NLRC4: variants seen among roughly 807,000 people sequenced by gnomAD.
The protein encoded by NLRC4 is NLR family CARD domain containing 4.
A neutral mutation model predicts 79.9 loss-of-function variants in NLRC4; 63 were observed. The ratio of observed to expected loss-of-function variants is 0.79; its 90% confidence interval spans 0.64 to 0.97. The LOEUF is 0.97. Ranked by LOEUF, NLRC4 falls within the 50% of genes least tolerant of loss-of-function variation. NLRC4 has a pLI of 0.00. For missense variants in NLRC4, 1,074 were observed against 1,215.2 expected (o/e 0.88, Z 1.73); for synonymous variants, 461 against 456.5 (o/e 1.01, Z -0.12).
In NLRC4 at chr2:32,249,971, T is replaced by G; in HGVS notation, c.1893A>C (p.Thr631=). The G allele has an allele frequency of 1.2e-6, 2 of 1,614,222 alleles. No homozygotes were observed. Among genetic ancestry groups the G allele is most frequent in the African/African-American group, 1.3e-5 (1 of 75,046 alleles). The part of the protein sequence containing the change: ...MASWEKAAED[T]GGIHMEEAPE... ...GGGCCTCTTCCATGTGGATTCCACCTGTGTCTTCTGCAGCCTTTTCCCATG... is the reference window on the plus strand; with the variant it reads ...GGGCCTCTTCCATGTGGATTCCACCGGTGTCTTCTGCAGCCTTTTCCCATG... The change falls in exon 4 of 9, where the codon ACA becomes ACC. Residue 631 remains threonine, a synonymous_variant. Coordinates refer to ENST00000402280, the MANE Select transcript of NLRC4 (RefSeq NM_001199138.2).
At chr2:32,238,590 C>T (rs1686724193) in intron 5 of NLRC4, among the ~76,000 whole-genome samples, 1 of 152,126 alleles carries the variant, frequency 6.6e-6, no homozygotes, top group South Asian at 2.1e-4. Flanking sequence ...AATGTATACT[C>T]TTACCGTAAT....
intron 4 of NLRC4, among the ~76,000 whole-genome samples, chr2:32,246,542 A>C (rs1473486380): frequency 6.6e-6 from 1 of 152,248 alleles, no homozygotes; most frequent in African/African-American, 2.4e-5. Context: ...CCAGACTGCT[A>C]CAGTTAAGTA....
intron 3 of NLRC4, among the ~76,000 whole-genome samples, chr2:32,251,846 G>A (rs547303005): frequency 6.6e-6 from 1 of 152,238 alleles, no homozygotes; most frequent in South Asian, 2.1e-4. Flanking sequence ...GCAGCTGGTT[G>A]GAAAAGGGAG....
rs1158393269 is a variant in NLRC4, at chr2:32,251,020, CAG to C, written c.842_843del (p.Thr281ArgfsTer15). The stretch of plus-strand genomic sequence containing the variant: ...AACTGCCGTATGTGCCTCAGGCACT[CAG>C]TGGTAGTGGTGACGATGACCATGTT... Reference protein sequence around the residue: ...FKNMVIVTTTTECLRHIRQFG... With the variant: ...FKNMVIVTTTXECLRHIRQFG... On this transcript the variant is annotated frameshift_variant, in exon 4 of 9. Coordinates refer to ENST00000402280, the MANE Select transcript of NLRC4 (RefSeq NM_001199138.2). LOFTEE classifies it high-confidence loss of function. The C allele has an allele frequency of 1.2e-6, 2 of 1,614,174 alleles. No homozygotes were observed. Among genetic ancestry groups the C allele is most frequent in the Non-Finnish European group, 1.7e-6 (2 of 1,180,038 alleles).
intron 2 of NLRC4, 72 bp from the exon 3 acceptor site, chr2:32,252,751 G>C (rs1687110227): frequency 7.4e-7 from 1 of 1,347,036 alleles, no homozygotes; most frequent in African/African-American, 1.4e-5. Context: ...GGGCACGGTG[G>C]CTCACGCCTG....
intron 8 of NLRC4, among the ~76,000 whole-genome samples, chr2:32,227,187 G>A (rs1686424246): frequency 6.6e-6 from 1 of 151,992 alleles, no homozygotes; most frequent in Non-Finnish European, 1.5e-5. Context: ...AAAAAAGTAG[G>A]GGTCTGGGCC....
intron 8 of NLRC4, among the ~76,000 whole-genome samples, chr2:32,230,258 A>G (rs1395639466): frequency 6.6e-6 from 1 of 152,184 alleles, no homozygotes; most frequent in Non-Finnish European, 1.5e-5. Flanking sequence ...AAAGTGTGAA[A>G]TAGTTTACAT....
chr2:32,244,093 T>A (rs536855911), intron 4 of NLRC4, among the ~76,000 whole-genome samples: 6 of 151,976 alleles, frequency 3.9e-5, no homozygotes, highest in African/African-American at 1.4e-4. Context: ...CTACAAAAAA[T>A]TTAAAAATTA....
intron 8 of NLRC4, among the ~76,000 whole-genome samples, chr2:32,227,668 G>T (rs1282047641): frequency 2.6e-5 from 4 of 152,178 alleles, no homozygotes; most frequent in African/African-American, 9.7e-5. Flanking sequence ...ATCTACTAAG[G>T]TATAAGGATC....
intron 8 of NLRC4, among the ~76,000 whole-genome samples, chr2:32,230,679 T>G (rs1686512125): frequency 6.6e-6 from 1 of 152,150 alleles, no homozygotes; most frequent in Non-Finnish European, 1.5e-5. Flanking sequence ...CATTATTTGA[T>G]GGACATTTGA....
At chr2:32,245,104 G>A (rs923426990) in intron 4 of NLRC4, among the ~76,000 whole-genome samples, 24 of 151,918 alleles carry the variant, frequency 1.6e-4, no homozygotes, top group African/African-American at 5.8e-4. Flanking sequence ...GAGGTCTGGA[G>A]TTCAAGGCCA....
chr2:32,241,250 C>T, intron 4 of NLRC4, 125 bp from the exon 5 acceptor site: 1 of 629,864 alleles, frequency 1.6e-6, no homozygotes, highest in Non-Finnish European at 2.8e-6. Flanking sequence ...CAAAAATGCT[C>T]ATGAAATAGA....
intron 4 of NLRC4, among the ~76,000 whole-genome samples, chr2:32,242,371 T>A (rs1271639568): frequency 6.6e-6 from 1 of 152,114 alleles, no homozygotes; most frequent in Non-Finnish European, 1.5e-5. Flanking sequence ...AATTAGAGAA[T>A]AATATAAACA....
At chr2:32,241,182 A>G in intron 4 of NLRC4, 57 bp from the exon 5 acceptor site, 5 of 1,014,286 alleles carry the variant, frequency 4.9e-6, no homozygotes, top group Non-Finnish European at 7.7e-6. Context: ...TTACTATGTC[A>G]TTTACTATTA....
In NLRC4 at chr2:32,250,647, A is replaced by G; in HGVS notation, c.1217T>C (p.Phe406Ser). The G allele has an allele frequency of 6.2e-7, 1 of 1,614,138 alleles. No individual in the cohort carries two copies. Among genetic ancestry groups the G allele is most frequent in the Non-Finnish European group, 8.5e-7 (1 of 1,180,024 alleles). Residue 406 changes from phenylalanine (F) to serine (S), a missense_variant, in exon 4 of 9, where the codon TTT (phenylalanine) becomes TCT (serine). Physicochemically the swap from Phe to Ser is radical, Grantham distance 155 (BLOSUM62 -2). Transcript: ENST00000402280. This position sits in a 1 kb window ranked among gnomAD's most constrained non-coding sequence, Gnocchi z 4.9. Reference protein sequence around the residue: ...LALEGVFSHKFDFELQDVSSV... With the variant: ...LALEGVFSHKSDFELQDVSSV... ...GGACACATCCTGCAGTTCGAAATCAAACTTGTGGGAGAACACACCCTCCAG... is the reference window on the plus strand; with the variant it reads ...GGACACATCCTGCAGTTCGAAATCAGACTTGTGGGAGAACACACCCTCCAG...
At position 32,224,524 on chromosome 2, in the gene NLRC4, A is replaced by G; in HGVS notation, c.3024T>C (p.Asp1008=). ...QEARLVGWQF[D]DDDLSVITGA... ...CTGTAATAACACTGAGATCATCATCATCAAATTGCCACCCAACAAGCCTAG... is the reference window on the plus strand; with the variant it reads ...CTGTAATAACACTGAGATCATCATCGTCAAATTGCCACCCAACAAGCCTAG... The change falls in exon 9 of 9, where the codon GAT becomes GAC. Residue 1008 remains aspartate, a synonymous_variant. Transcript: ENST00000402280. 2.5e-6 allele frequency: 4 copies of G among 1,613,608 alleles called. No individual in the cohort carries two copies. The highest frequency in any genetic ancestry group is 1.7e-5 in the Admixed American group (1 of 59,852).
At chr2:32,238,401 G>T in intron 5 of NLRC4, 99 bp from the exon 6 acceptor site, 1 of 1,020,704 alleles carries the variant, frequency 9.8e-7, no homozygotes. Context: ...ATTGTGCAGA[G>T]ACCTTGCCAT....
At chr2:32,259,262 A>ATCTTTT (rs1687280788) in intron 1 of NLRC4, among the ~76,000 whole-genome samples, 1 of 52,878 alleles carries the variant, frequency 1.9e-5, no homozygotes, top group African/African-American at 9.4e-5. Context: ...TGCCTGGCTA[A>ATCTTTT]TTTTTTTTTT....
At position 32,225,432 on chromosome 2, in the gene NLRC4, T is replaced by G. The variant is rs1032808642; in HGVS notation, c.2783-667A>C. ...GGATGTGTGTGTGTGTGTGTGTGTG[T>G]GTGTGTGTGTGTGTATACATACACA... is the stretch of plus-strand genomic sequence containing the variant. On this transcript the variant is annotated intron_variant, in intron 8 of 8. Transcript: ENST00000402280. Among the ~76,000 whole-genome samples, 633 of 151,146 alleles carry G rather than the reference T, an allele frequency of 4.2e-3. 10 individuals carry two copies. Among genetic ancestry groups the G allele is most frequent in the African/African-American group, 0.015 (623 of 41,132 alleles).
Sources: allele counts gnomAD v4.1 joint callset (sites outside exome capture counted in the v4.1 genomes callset), GRCh38; gene constraint gnomAD v4.1.1; non-coding constraint Gnocchi (gnomAD v3.1); transcripts MANE v1.5; gene names NCBI Gene and HGNC (gene_info 2026-07-23, HGNC 2026-07-21).